LAMC2: variants seen among roughly 807,000 people sequenced by gnomAD.
LAMC2 encodes laminin subunit gamma-2.
LAMC2 carries 97 observed loss-of-function variants against 140.2 expected under a neutral mutation model. That is an observed-to-expected ratio of 0.69 (90% CI 0.59 to 0.82). The LOEUF (loss-of-function observed/expected upper bound fraction) is 0.82, where lower values mean the gene tolerates loss of function less well. Ranked by LOEUF, LAMC2 falls within the 40% of genes least tolerant of loss-of-function variation. LAMC2 has a pLI of 0.00. For synonymous variants in LAMC2, 513 were observed against 540.2 expected (o/e 0.95, Z 0.70); for missense variants, 1,402 against 1,476.1 (o/e 0.95, Z 0.82).
chr1:183,232,326 A>C lies in LAMC2; in HGVS notation c.1997A>C (p.Asp666Ala). The change falls in exon 13 of 23, where the codon GAT becomes GCT. Residue 666 changes from aspartate to alanine, a missense_variant. By Grantham distance (126) the Asp-to-Ala change is moderately radical (BLOSUM62 -2). Coordinates refer to ENST00000264144, the MANE Select transcript of LAMC2 (RefSeq NM_005562.3). ...CAGGCCCTTCAGGACATTCTGAGAG[A>C]TGCCCAGATTTCAGAAGGTGATGAA... ...AEQALQDILR[D>A]AQISEGASRS... The C allele has an allele frequency of 6.2e-7, 1 of 1,614,092 alleles. No individual in the cohort carries two copies. Among genetic ancestry groups the C allele is most frequent in the Non-Finnish European group, 8.5e-7 (1 of 1,180,030 alleles).
downstream of LAMC2, chr1:183,249,911 T>C (rs1660330697): frequency 6.6e-6 from 1 of 152,140 alleles, no homozygotes; most frequent in African/African-American, 2.4e-5. Context: ...TTTGTCTTAA[T>C]TCATCTCACT....
rs1659818236 is a variant in LAMC2 at position 183,232,167 on chromosome 1, T to A, written c.1858-20T>A. ...TACATGGTCTCCACCCTCGTTCTGA[T>A]CTTTCCTGTGTGGTTTCAGATGGAT... On this transcript the variant is annotated intron_variant, in intron 12 of 22. Coordinates refer to ENST00000264144, the MANE Select transcript of LAMC2 (RefSeq NM_005562.3). 6.2e-7 allele frequency: 1 copy of A among 1,613,126 alleles called. No homozygotes were observed. Among genetic ancestry groups the A allele is most frequent in the African/African-American group, 1.3e-5 (1 of 74,888 alleles).
chr1:183,202,853 T>C lies in LAMC2; in HGVS notation c.80-5028T>C, dbSNP rs150166876. Among the ~76,000 whole-genome samples the C allele has an allele frequency of 8.5e-3, 1,295 of 152,360 alleles. 9 individuals are homozygous for C. The highest frequency in any genetic ancestry group is 0.014 in the Middle Eastern group (4 of 294). ...TGGGACATCTGTTGGTTTTGTTTGCTACTGTATGCATCCCATTGCCTAGAA... is the reference window on the plus strand; with the variant it reads ...TGGGACATCTGTTGGTTTTGTTTGCCACTGTATGCATCCCATTGCCTAGAA... On this transcript the variant is annotated intron_variant, in intron 1 of 22. Coordinates refer to ENST00000264144, the MANE Select transcript of LAMC2 (RefSeq NM_005562.3).
At chr1:183,222,241 G>T (rs1571525131) in intron 6 of LAMC2, 30 bp downstream of exon 6, 2 of 1,607,034 alleles carry the variant, frequency 1.2e-6, no homozygotes, top group African/African-American at 1.3e-5. Flanking sequence ...TCCTATAGAG[G>T]CCAGCTTATA....
At chr1:183,191,858 C>CAAA (rs5779158) in intron 1 of LAMC2, among the ~76,000 whole-genome samples, 2 of 148,306 alleles carry the variant, frequency 1.3e-5, no homozygotes, top group African/African-American at 4.9e-5. Flanking sequence ...GATTCCATAT[C>CAAA]AAAAAAAAAA....
chr1:183,247,884 A>G (rs1197046455), downstream of LAMC2, among the ~76,000 whole-genome samples: 2 of 152,256 alleles, frequency 1.3e-5, no homozygotes, highest in Admixed American at 1.3e-4. Flanking sequence ...AAAGTTGTTC[A>G]AGTTTTTCAT....
intron 1 of LAMC2, among the ~76,000 whole-genome samples, chr1:183,197,401 G>T (rs992126818): frequency 6.6e-6 from 1 of 152,116 alleles, no homozygotes; most frequent in African/African-American, 2.4e-5. Flanking sequence ...TGAGCTGGGC[G>T]CAGTGACTCG....
At chr1:183,193,095 C>T (rs767618830) in intron 1 of LAMC2, among the ~76,000 whole-genome samples, 5 of 152,198 alleles carry the variant, frequency 3.3e-5, no homozygotes. Context: ...ACATCTATCT[C>T]GTCTTTTCAG....
chr1:183,200,985 A>G (rs1571505485), intron 1 of LAMC2, among the ~76,000 whole-genome samples: 1 of 152,240 alleles, frequency 6.6e-6, no homozygotes, highest in Non-Finnish European at 1.5e-5. Context: ...ATCTGTGAAA[A>G]TCTGACTCAA....
Position 183,220,900 on chromosome 1 carries a change from A to T in LAMC2, c.579A>T (p.Ser193=), listed in dbSNP as rs1571523654. 6.2e-7 allele frequency: 1 copy of T among 1,614,072 alleles called. No homozygotes were observed. Among genetic ancestry groups the T allele is most frequent in the East Asian group, 2.2e-5 (1 of 44,888 alleles). Residue 193 remains serine (S), a synonymous_variant, in exon 5 of 23, where the codon TCA becomes TCT. Coordinates refer to ENST00000264144, the MANE Select transcript of LAMC2 (RefSeq NM_005562.3). ...CCCAGTGTTTCTGCTATGGGCATTC[A>T]GCCAGCTGCCGCAGCTCTGCAGAAT... ...GCTQCFCYGH[S]ASCRSSAEYS...
At chr1:183,191,858 C>A (rs201910188) in intron 1 of LAMC2, among the ~76,000 whole-genome samples, 10 of 148,294 alleles carry the variant, frequency 6.7e-5, no homozygotes, top group Non-Finnish European at 1.0e-4. Context: ...GATTCCATAT[C>A]AAAAAAAAAA....
At position 183,228,822 on chromosome 1, in the gene LAMC2, C is replaced by T. The variant is rs1659713583; in HGVS notation, c.1714+203C>T. Among the ~76,000 whole-genome samples the T allele has an allele frequency of 6.6e-6, 1 of 152,160 alleles. No homozygotes were observed. The highest frequency in any genetic ancestry group is 1.5e-5 in the Non-Finnish European group (1 of 68,030). ...TACCCTGTAGCCAGGCTCTGGAAGA[C>T]AGAGCTGGGTTAAAGCTGGGTGGGA... On this transcript the variant is annotated intron_variant, in intron 11 of 22. Coordinates refer to ENST00000264144, the MANE Select transcript of LAMC2 (RefSeq NM_005562.3). This position sits in a 1 kb window ranked among gnomAD's most constrained non-coding sequence, Gnocchi z 4.3.
intron 2 of LAMC2, among the ~76,000 whole-genome samples, chr1:183,208,629 G>A (rs1224212225): frequency 6.6e-6 from 1 of 152,078 alleles, no homozygotes; most frequent in Non-Finnish European, 1.5e-5. Flanking sequence ...ATAACAAATA[G>A]GAAACACCTA....
At chr1:183,206,918 G>A (rs1474909761) in intron 1 of LAMC2, among the ~76,000 whole-genome samples, 2 of 152,210 alleles carry the variant, frequency 1.3e-5, no homozygotes, top group Non-Finnish European at 2.9e-5. Flanking sequence ...ACCTTTCCGA[G>A]CTGCATGTTT....
At chr1:183,224,375 T>TGTCA (rs1410357191) in intron 7 of LAMC2, among the ~76,000 whole-genome samples, 1 of 152,172 alleles carries the variant, frequency 6.6e-6, no homozygotes, top group Non-Finnish European at 1.5e-5. Flanking sequence ...GGGCCTTGTG[T>TGTCA]GTCATGTCAA....
chr1:183,209,386 G>T (rs1328751243), intron 2 of LAMC2, among the ~76,000 whole-genome samples: 2 of 152,112 alleles, frequency 1.3e-5, no homozygotes, highest in Non-Finnish European at 2.9e-5. Context: ...AGAGTGGTTT[G>T]GGAGTCTTAT....
chr1:183,187,813 A>C (rs1658201409), intron 1 of LAMC2, among the ~76,000 whole-genome samples: 1 of 152,234 alleles, frequency 6.6e-6, no homozygotes, highest in African/African-American at 2.4e-5. Flanking sequence ...TGAGAAAATG[A>C]AAATGTGTTT....
chr1:183,246,610 G>A (rs1660247955), downstream of LAMC2, among the ~76,000 whole-genome samples: 2 of 152,182 alleles, frequency 1.3e-5, no homozygotes, highest in African/African-American at 4.8e-5. Flanking sequence ...TGTATTTCTG[G>A]TCTTCTCCAA....
At chr1:183,257,077 G>A in the LAMC2 span, among the ~76,000 whole-genome samples, 23 of 152,032 alleles carry the variant, frequency 1.5e-4, no homozygotes, top group Non-Finnish European at 3.1e-4. Context: ...TCTGGCTTAG[G>A]TATCAAAGGC....
Sources: gnomAD v4.1 joint callset for allele counts (sites outside exome capture counted in the v4.1 genomes callset) on GRCh38, gnomAD v4.1.1 for gene constraint, Gnocchi (gnomAD v3.1) non-coding constraint, MANE v1.5 for transcripts, NCBI Gene and HGNC (gene_info 2026-07-23, HGNC 2026-07-21) for gene names.